The following MAN1A1 variants were observed in gnomAD, a reference collection of about 807,000 sequenced individuals.
MAN1A1 encodes the protein mannosidase alpha class 1A member 1, also known as mannosyl-oligosaccharide 1,2-alpha-mannosidase IA.
Under a neutral mutation model 70.8 loss-of-function variants are expected in MAN1A1, and 29 were observed. That is an observed-to-expected ratio of 0.41 (90% confidence interval 0.31 to 0.56). The LOEUF is 0.56. MAN1A1 is among the 20% of genes least tolerant of loss of function. MAN1A1 has a pLI of 0.29. For synonymous variants in MAN1A1, 349 were observed against 330.1 expected (o/e 1.06, Z -0.62); for missense variants, 747 against 841.3 (o/e 0.89, Z 1.39).
At chr6:119,205,128 A>G (rs1471347833) in intron 6 of MAN1A1, among the ~76,000 whole-genome samples, 1 of 152,220 alleles carries the variant, frequency 6.6e-6, no homozygotes, top group African/African-American at 2.4e-5. Context: ...CTGTTGGTGA[A>G]CACACAAATC....
intron 6 of MAN1A1, among the ~76,000 whole-genome samples, chr6:119,222,757 T>C (rs1305537828): frequency 1.3e-5 from 2 of 152,220 alleles, no homozygotes; most frequent in Admixed American, 1.3e-4. Context: ...GCCTTTAAAA[T>C]GTTATTTATA....
At chr6:119,335,436 A>C (rs1260968647) in intron 2 of MAN1A1, among the ~76,000 whole-genome samples, 1 of 152,268 alleles carries the variant, frequency 6.6e-6, no homozygotes, top group Non-Finnish European at 1.5e-5. Context: ...CTACTCTGCC[A>C]TACTGCCTCA....
intron 5 of MAN1A1, among the ~76,000 whole-genome samples, chr6:119,249,377 G>A (rs62418830): frequency 6.6e-6 from 1 of 152,172 alleles, no homozygotes; most frequent in Non-Finnish European, 1.5e-5. Flanking sequence ...TTAATTAGAT[G>A]AGGCCCATCC....
intron 4 of MAN1A1, 38 bp from the exon 5 acceptor site, chr6:119,290,801 C>T (rs1366384578): frequency 7.8e-7 from 1 of 1,284,726 alleles, no homozygotes; most frequent in African/African-American, 1.5e-5. Flanking sequence ...TGATAGTACA[C>T]AATTCAGAAA....
intron 8 of MAN1A1, among the ~76,000 whole-genome samples, chr6:119,198,697 T>A (rs1773637990): frequency 6.6e-6 from 1 of 152,216 alleles, no homozygotes; most frequent in Admixed American, 6.5e-5. Flanking sequence ...CATTTTTGCA[T>A]ATCTCTTTCT....
In MAN1A1 at chr6:119,329,005, A is replaced by C. The variant is rs3798647; in HGVS notation, c.603+19458T>G. Among the ~76,000 whole-genome samples the C allele has an allele frequency of 5.9e-3, 894 of 152,314 alleles. 29 individuals are homozygous for C. In the East Asian group the frequency reaches 0.09, roughly 15 times the overall value. ...AATTTTCAATAAGATAAATACAGCA[A>C]AGCAGATGTCTGGATGCAGCAGAGA... On this transcript the variant is annotated intron_variant, in intron 2 of 12. Coordinates refer to ENST00000368468, the MANE Select transcript of MAN1A1 (RefSeq NM_005907.4).
At chr6:119,232,679 ATGTGTGTGTGTGTGTG>A (rs78960133) in intron 6 of MAN1A1, among the ~76,000 whole-genome samples, 1,811 of 143,506 alleles carry the variant, frequency 0.013, 16 homozygotes, top group Non-Finnish European at 0.018. Context: ...ACACATATAT[ATGTGTGTGTGTGTGTG>A]TGTGTGTGTG....
chr6:119,237,046 G>T (rs189983073), intron 6 of MAN1A1, among the ~76,000 whole-genome samples: 1 of 152,144 alleles, frequency 6.6e-6, no homozygotes, highest in Admixed American at 6.5e-5. Flanking sequence ...TTAGAAGTGG[G>T]GCCTGAAGAC....
chr6:119,316,551 T>C (rs1009613356), intron 2 of MAN1A1, among the ~76,000 whole-genome samples: 4 of 152,170 alleles, frequency 2.6e-5, no homozygotes, highest in African/African-American at 9.6e-5. Flanking sequence ...AGAAAACAAA[T>C]ACTATTTTCA....
chr6:119,271,341 T>C (rs1256348830), intron 5 of MAN1A1, among the ~76,000 whole-genome samples: 2 of 151,924 alleles, frequency 1.3e-5, no homozygotes, highest in Non-Finnish European at 2.9e-5. Context: ...AAAAAAACAA[T>C]GTGATAAAGG....
intron 2 of MAN1A1, among the ~76,000 whole-genome samples, chr6:119,340,414 C>T (rs968878555): frequency 1.3e-5 from 2 of 152,118 alleles, no homozygotes; most frequent in African/African-American, 4.8e-5. Context: ...CTGAGATCAT[C>T]CTGTCACTTA....
intron 4 of MAN1A1, among the ~76,000 whole-genome samples, chr6:119,294,463 C>T (rs1268282799): frequency 6.6e-6 from 1 of 152,032 alleles, no homozygotes; most frequent in Non-Finnish European, 1.5e-5. Context: ...GTGAATTTTG[C>T]AGTCTACCTA....
intron 6 of MAN1A1, among the ~76,000 whole-genome samples, chr6:119,217,257 G>A (rs117942804): frequency 5.3e-5 from 8 of 152,166 alleles, no homozygotes; most frequent in Non-Finnish European, 8.8e-5. Context: ...TAAGCTTCCA[G>A]TGTTGAATGG....
chr6:119,290,605 T>G, intron 5 of MAN1A1, 78 bp downstream of exon 5: 1 of 934,194 alleles, frequency 1.1e-6, no homozygotes, highest in Non-Finnish European at 1.7e-6. Context: ...TAAATATATG[T>G]CACGAATGGC....
At chr6:119,234,761 C>A (rs557630821) in intron 6 of MAN1A1, among the ~76,000 whole-genome samples, 4 of 152,054 alleles carry the variant, frequency 2.6e-5, no homozygotes, top group Non-Finnish European at 4.4e-5. Flanking sequence ...AATTTACATA[C>A]GGGGATACCT....
intron 6 of MAN1A1, among the ~76,000 whole-genome samples, chr6:119,224,206 G>A (rs1298677447): frequency 6.6e-6 from 1 of 152,156 alleles, no homozygotes; most frequent in Admixed American, 6.5e-5. Flanking sequence ...AAATAGCTGA[G>A]AGAAACCAGA....
At chr6:119,316,918 C>T (rs1267234238) in intron 2 of MAN1A1, among the ~76,000 whole-genome samples, 1 of 149,406 alleles carries the variant, frequency 6.7e-6, no homozygotes, top group East Asian at 1.9e-4. Context: ...ATATAGTTAC[C>T]TTTTTAAATT....
rs539293523 is a variant in MAN1A1, at chr6:119,272,333, C to A, written c.897+18350G>T. Among the ~76,000 whole-genome samples the A allele has an allele frequency of 6.6e-5, 10 of 152,194 alleles. No homozygotes were observed. In the East Asian group the frequency reaches 1.9e-3, roughly 29 times the overall value. ...AGACCAGGTTTTCTTTTTTCTCCTGCTCATTACTGAAAAGCTTTTCTCTTA... is the reference window on the plus strand; with the variant it reads ...AGACCAGGTTTTCTTTTTTCTCCTGATCATTACTGAAAAGCTTTTCTCTTA... On this transcript the variant is annotated intron_variant, in intron 5 of 12. Coordinates refer to ENST00000368468, the MANE Select transcript of MAN1A1 (RefSeq NM_005907.4).
intron 6 of MAN1A1, among the ~76,000 whole-genome samples, chr6:119,225,265 G>A (rs11153797): frequency 0.32 from 49,007 of 151,912 alleles, 8,364 homozygotes; most frequent in Non-Finnish European, 0.35. Context: ...AGCCAGGTGC[G>A]GTGGCTCACA....
Sources: allele counts gnomAD v4.1 joint callset (sites outside exome capture counted in the v4.1 genomes callset), GRCh38; gene constraint gnomAD v4.1.1; transcripts MANE v1.5; gene names NCBI Gene and HGNC (gene_info 2026-07-23, HGNC 2026-07-21).